GRIA3: variants seen among roughly 807,000 people sequenced by gnomAD.
GRIA3 encodes glutamate ionotropic receptor AMPA type subunit 3, also known as glutamate receptor 3.
A neutral mutation model predicts 63.0 loss-of-function variants in GRIA3; 3 were observed. That is an observed-to-expected ratio of 0.05 (90% CI 0.02 to 0.12). The LOEUF (loss-of-function observed/expected upper bound fraction) is 0.12, where lower values mean the gene tolerates loss of function less well. Among genes scored for constraint, GRIA3 ranks in the 10% least tolerant of loss-of-function variants. GRIA3 has a pLI of 1.00. For missense variants in GRIA3, 347 were observed against 700.9 expected, an observed-to-expected ratio of 0.50 and a Z score of 5.70; for synonymous variants, 274 against 257.9, an observed-to-expected ratio of 1.06 and a Z score of -0.60.
At chrX:123,297,746 G>A (rs978427081) in intron 3 of GRIA3, among the ~76,000 whole-genome samples, 1 of 110,297 alleles carries the variant, frequency 9.1e-6, no homozygotes, top group Non-Finnish European at 1.9e-5. Context: ...TTTTATGTTC[G>A]GGGGTACATG....
At chrX:123,292,841 G>C (rs761688805) in intron 3 of GRIA3, among the ~76,000 whole-genome samples, 96 of 111,216 alleles carry the variant, frequency 8.6e-4, no homozygotes, top group African/African-American at 2.9e-3. Context: ...AATGTGATTT[G>C]AGAAGAAAAT....
chrX:123,354,170 G>A (rs1486990309), intron 4 of GRIA3, among the ~76,000 whole-genome samples: 3 of 111,440 alleles, frequency 2.7e-5, no homozygotes, highest in African/African-American at 9.8e-5. Context: ...TTTTGGGCCT[G>A]AGAATTCTTT....
intron 3 of GRIA3, among the ~76,000 whole-genome samples, chrX:123,292,301 T>C (rs2044660841): frequency 9.0e-6 from 1 of 111,708 alleles, no homozygotes; most frequent in South Asian, 3.7e-4. Flanking sequence ...CTGGATGTAC[T>C]ACAAATTGCT....
chrX:123,339,438 A>G (rs1196884011), intron 4 of GRIA3, among the ~76,000 whole-genome samples: 1 of 112,168 alleles, frequency 8.9e-6, no homozygotes, highest in African/African-American at 3.2e-5. Context: ...GTAAAGAAAA[A>G]GTGAAAAACC....
intron 13 of GRIA3, among the ~76,000 whole-genome samples, chrX:123,470,551 C>T (rs759471767): frequency 8.9e-6 from 1 of 111,800 alleles, no homozygotes; most frequent in South Asian, 3.8e-4. Context: ...CATGCATTTG[C>T]TTAGCAAGTC....
intron 12 of GRIA3, among the ~76,000 whole-genome samples, chrX:123,463,396 CA>C (rs2045804658): frequency 9.4e-6 from 1 of 106,121 alleles, no homozygotes; most frequent in Non-Finnish European, 1.9e-5. Context: ...AAAAAATAAA[CA>C]AAATTAGCTG....
chrX:123,353,827 C>A (rs1023416581), intron 4 of GRIA3, among the ~76,000 whole-genome samples: 2 of 111,676 alleles, frequency 1.8e-5, no homozygotes, highest in Non-Finnish European at 3.8e-5. Context: ...CCTGTTCCGT[C>A]CATGGGTACT....
intron 6 of GRIA3, 142 bp from the exon 7 acceptor site, chrX:123,398,494 C>T: frequency 2.0e-6 from 1 of 498,586 alleles, no homozygotes; most frequent in Non-Finnish European, 3.5e-6. Context: ...CGAATTCAGG[C>T]TTGCCCAGAG....
chrX:123,311,372 C>T (rs1399876449), intron 3 of GRIA3, among the ~76,000 whole-genome samples: 1 of 111,818 alleles, frequency 8.9e-6, no homozygotes, highest in Non-Finnish European at 1.9e-5. Flanking sequence ...GCTGGAGTAG[C>T]CCAAGCATGT....
intron 4 of GRIA3, among the ~76,000 whole-genome samples, chrX:123,328,998 T>C (rs2044923668): frequency 8.9e-6 from 1 of 112,314 alleles, no homozygotes; most frequent in South Asian, 3.7e-4. Context: ...ACCTTTCTCA[T>C]TGGTTCCTAA....
intron 12 of GRIA3, among the ~76,000 whole-genome samples, chrX:123,429,691 G>T (rs1267557150): frequency 9.0e-6 from 1 of 110,874 alleles, no homozygotes; most frequent in African/African-American, 3.3e-5. Context: ...CATCCCAATA[G>T]GCATGAAGTT....
At chrX:123,349,166 A>G (rs968531182) in intron 4 of GRIA3, among the ~76,000 whole-genome samples, 22 of 112,585 alleles carry the variant, frequency 2.0e-4, no homozygotes, top group Admixed American at 1.2e-3. Flanking sequence ...TAAGACAAAA[A>G]TCATTAAGGA....
intron 2 of GRIA3, among the ~76,000 whole-genome samples, chrX:123,244,265 A>AC (rs756593252): frequency 1.8e-5 from 2 of 111,828 alleles, no homozygotes; most frequent in East Asian, 5.7e-4. Flanking sequence ...ACCTAAAAGG[A>AC]CCCACTGTGG....
At chrX:123,311,777 G>A (rs1426014569) in intron 3 of GRIA3, among the ~76,000 whole-genome samples, 1 of 111,563 alleles carries the variant, frequency 9.0e-6, no homozygotes, top group African/African-American at 3.3e-5. Context: ...AAAAATCCTG[G>A]GCATCTTCAG....
chrX:123,482,619 A>C, intron 14 of GRIA3, 180 bp from the exon 15 acceptor site: 1 of 512,566 alleles, frequency 2.0e-6, no homozygotes, highest in South Asian at 2.8e-5. Context: ...ACAGAGGCAC[A>C]ATCTACCGTC....
chrX:123,200,228 A>G (rs1008106985), intron 2 of GRIA3, among the ~76,000 whole-genome samples: 1 of 110,861 alleles, frequency 9.0e-6, no homozygotes, highest in African/African-American at 3.3e-5. Flanking sequence ...TTTAATGTGG[A>G]AAACACTTGT....
At chrX:123,233,766 A>C (rs2044287934) in intron 2 of GRIA3, among the ~76,000 whole-genome samples, 1 of 111,878 alleles carries the variant, frequency 8.9e-6, no homozygotes. Context: ...TAAGATCTAG[A>C]AATGAAAGAA....
At chrX:123,298,264 G>A (rs1033159142) in intron 3 of GRIA3, among the ~76,000 whole-genome samples, 1 of 111,175 alleles carries the variant, frequency 9.0e-6, no homozygotes, top group African/African-American at 3.3e-5. Flanking sequence ...GGATTGTTGG[G>A]TCAAATTACA....
At chrX:123,432,797 C>A (rs6655766) in intron 12 of GRIA3, among the ~76,000 whole-genome samples, 10 of 112,036 alleles carry the variant, frequency 8.9e-5, no homozygotes, top group African/African-American at 2.9e-4. Flanking sequence ...AGGTTTTCAG[C>A]AAATCACATC....
Sources: allele counts gnomAD v4.1 joint callset (sites outside exome capture counted in the v4.1 genomes callset), GRCh38; gene constraint gnomAD v4.1.1; transcripts MANE v1.5; gene names NCBI Gene and HGNC (gene_info 2026-07-23, HGNC 2026-07-21).